AGMO: variants seen among roughly 807,000 people sequenced by gnomAD.
The protein encoded by AGMO is alkylglycerol monooxygenase, also known as glyceryl-ether monooxygenase.
Under a neutral mutation model 60.2 loss-of-function variants are expected in AGMO, and 75 were observed. The ratio of observed to expected loss-of-function variants is 1.25; its 90% confidence interval spans 1.03 to 1.51. The LOEUF is 1.51. AGMO is among the 40% of genes most tolerant of loss of function. The pLI is 0.00. For missense variants in AGMO, 763 were observed against 525.5 expected, an observed-to-expected ratio of 1.45 and a Z score of -4.42; for synonymous variants, 261 against 177.1, an observed-to-expected ratio of 1.47 and a Z score of -3.76.
At chr7:15,438,880 T>C (rs1395548537) in intron 3 of AGMO, among the ~76,000 whole-genome samples, 1 of 152,234 alleles carries the variant, frequency 6.6e-6, no homozygotes, top group East Asian at 1.9e-4. Flanking sequence ...TTTGTTGTTA[T>C]TAATACATGT....
intron 3 of AGMO, among the ~76,000 whole-genome samples, chr7:15,433,384 G>A (rs1246219176): frequency 1.3e-5 from 2 of 152,012 alleles, no homozygotes; most frequent in South Asian, 4.1e-4. Context: ...TGCAAACAGG[G>A]CACAGTAACA....
chr7:15,480,241 C>A (rs28526120), intron 3 of AGMO, among the ~76,000 whole-genome samples: 2,896 of 152,182 alleles, frequency 0.019, 79 homozygotes, highest in African/African-American at 0.062. Flanking sequence ...AGTAAAGAAG[C>A]TTCAGTTACG....
At chr7:15,372,608 C>CA (rs1413513284) in intron 10 of AGMO, among the ~76,000 whole-genome samples, 7 of 151,966 alleles carry the variant, frequency 4.6e-5, no homozygotes, top group African/African-American at 1.7e-4. Context: ...CCCGTAAGAC[C>CA]ACTGGCCAAC....
At chr7:15,558,055 AT>A (rs1562573060) in intron 2 of AGMO, among the ~76,000 whole-genome samples, 2 of 146,428 alleles carry the variant, frequency 1.4e-5, no homozygotes. Flanking sequence ...TTTGGGGTGT[AT>A]TTTTTGTAAA....
At chr7:15,357,147 TACTG>T (rs1782566052) in intron 12 of AGMO, among the ~76,000 whole-genome samples, 1 of 150,640 alleles carries the variant, frequency 6.6e-6, no homozygotes, top group Non-Finnish European at 1.5e-5. Context: ...ATTTGGATAA[TACTG>T]AAATAGATGA....
At chr7:15,541,726 T>C (rs1363110976) in intron 3 of AGMO, among the ~76,000 whole-genome samples, 5 of 152,148 alleles carry the variant, frequency 3.3e-5, no homozygotes, top group South Asian at 2.1e-4. Context: ...ATGCGACATA[T>C]ATGCAACACA....
intron 12 of AGMO, among the ~76,000 whole-genome samples, chr7:15,327,713 A>G (rs1373164160): frequency 1.4e-5 from 2 of 147,502 alleles, no homozygotes; most frequent in African/African-American, 5.0e-5. Context: ...AGAGGTTTTC[A>G]TGAAAAAATG....
chr7:15,230,067 G>A (rs533738407), intron 12 of AGMO, among the ~76,000 whole-genome samples: 2 of 151,580 alleles, frequency 1.3e-5, no homozygotes, highest in East Asian at 3.9e-4. Flanking sequence ...CTACACATAG[G>A]CACATACAAA....
At chr7:15,209,285 G>A (rs1781517897) in intron 12 of AGMO, among the ~76,000 whole-genome samples, 1 of 152,240 alleles carries the variant, frequency 6.6e-6, no homozygotes. Flanking sequence ...GTTTACAAAT[G>A]CAGAATAGCA....
intron 12 of AGMO, among the ~76,000 whole-genome samples, chr7:15,312,698 C>A (rs1780802763): frequency 6.6e-6 from 1 of 151,648 alleles, no homozygotes; most frequent in South Asian, 2.1e-4. Flanking sequence ...GTTTTTTCCC[C>A]CCGAGACAGA....
intron 5 of AGMO, among the ~76,000 whole-genome samples, chr7:15,416,758 G>A (rs1024465133): frequency 1.2e-4 from 19 of 152,066 alleles, no homozygotes; most frequent in Non-Finnish European, 2.2e-4. Flanking sequence ...TACAGTACAG[G>A]AAAACATAAA....
chr7:15,140,434 G>A, the AGMO span, among the ~76,000 whole-genome samples: 1 of 151,842 alleles, frequency 6.6e-6, no homozygotes, highest in East Asian at 1.9e-4. Flanking sequence ...TCTTTCAATG[G>A]TAATAGAAAA....
chr7:15,395,979 C>G (rs1338898069), intron 5 of AGMO: 1 of 152,134 alleles, frequency 6.6e-6, no homozygotes, highest in African/African-American at 2.4e-5. Flanking sequence ...CATATCAAAG[C>G]GGATCCTTCT....
Position 15,542,199 on chromosome 7 carries a change from T to C in AGMO, c.409+2573A>G, listed in dbSNP as rs533757033. On this transcript the variant is annotated intron_variant, in intron 3 of 12. Transcript: ENST00000342526. ...TATGTTGAAGGTTGATACATTTAAA[T>C]AAGTTACTTTTTTCCTACTAGCTTT... 1.2e-4 allele frequency among the ~76,000 whole-genome samples: 19 copies of C among 152,308 alleles called. No individual in the cohort carries two copies. In the South Asian group the frequency reaches 3.9e-3, roughly 32 times the overall value.
chr7:15,479,568 G>GT lies in AGMO; in HGVS notation c.410-48461dup, dbSNP rs200999668. Among the ~76,000 whole-genome samples, 253 of 151,836 alleles carry GT rather than the reference G, an allele frequency of 1.7e-3. 1 individual carries two copies. The highest frequency in any genetic ancestry group is 8.8e-4 in the Non-Finnish European group (60 of 67,924). The stretch of plus-strand genomic sequence containing the variant: ...TTCAAATTTGAAAGGGATCATCATG[G>GT]TTTTTTTTCATGGATGAAATGAATG... On this transcript the variant is annotated intron_variant, in intron 3 of 12. Transcript: ENST00000342526.
chr7:15,309,602 C>T (rs564191427), intron 12 of AGMO, among the ~76,000 whole-genome samples: 1 of 152,028 alleles, frequency 6.6e-6, no homozygotes, highest in African/African-American at 2.4e-5. Flanking sequence ...AAAGACAGGT[C>T]CCTAATTATT....
chr7:15,265,867 A>T (rs911319825), intron 12 of AGMO, among the ~76,000 whole-genome samples: 1 of 152,110 alleles, frequency 6.6e-6, no homozygotes, highest in Non-Finnish European at 1.5e-5. Context: ...AATAGCCAAA[A>T]CATGGAGTCA....
chr7:15,375,494 T>G (rs1160457976), intron 10 of AGMO, among the ~76,000 whole-genome samples: 2 of 150,812 alleles, frequency 1.3e-5, no homozygotes, highest in African/African-American at 4.9e-5. Flanking sequence ...ACTCCTGGGT[T>G]CAAGTGATTC....
At chr7:15,380,077 G>A (rs552812144) in intron 10 of AGMO, among the ~76,000 whole-genome samples, 1 of 152,236 alleles carries the variant, frequency 6.6e-6, no homozygotes, top group South Asian at 2.1e-4. Context: ...AATGTTGGAA[G>A]CATTCCCCTT....
Sources: allele counts gnomAD v4.1 joint callset (sites outside exome capture counted in the v4.1 genomes callset), GRCh38; gene constraint gnomAD v4.1.1; transcripts MANE v1.5; gene names NCBI Gene and HGNC (gene_info 2026-07-23, HGNC 2026-07-21).